Variants in PRKN observed in about 807,000 individuals in gnomAD.
The protein encoded by PRKN is E3 ubiquitin-protein ligase parkin.
Under a neutral mutation model 59.5 loss-of-function variants are expected in PRKN, and 56 were observed. The ratio of observed to expected loss-of-function variants is 0.94; its 90% CI spans 0.76 to 1.18. The LOEUF (loss-of-function observed/expected upper bound fraction) is 1.18. PRKN is among the 50% of genes most tolerant of loss of function. The pLI is 0.00. For synonymous variants in PRKN, 250 were observed against 222.1 expected (o/e 1.13, Z -1.12); for missense variants, 657 against 596.4 (o/e 1.10, Z -1.06).
At chr6:161,794,443 C>T (rs1790757736) in intron 6 of PRKN, among the ~76,000 whole-genome samples, 1 of 152,144 alleles carries the variant, frequency 6.6e-6, no homozygotes, top group African/African-American at 2.4e-5. Context: ...TCCATCCCCT[C>T]TTCCCTCCCT....
intron 4 of PRKN, among the ~76,000 whole-genome samples, chr6:162,079,524 G>C (rs945346561): frequency 3.9e-5 from 6 of 151,986 alleles, no homozygotes; most frequent in African/African-American, 7.3e-5. Context: ...TCACATACCT[G>C]CCGGAGGAAT....
intron 1 of PRKN, among the ~76,000 whole-genome samples, chr6:162,539,653 T>C (rs1455605462): frequency 2.0e-5 from 3 of 152,194 alleles, no homozygotes; most frequent in African/African-American, 7.2e-5. Flanking sequence ...CGCAGCTTAA[T>C]TGTTTAGGAA....
At chr6:162,479,434 G>C (rs1461913748) in intron 1 of PRKN, among the ~76,000 whole-genome samples, 1 of 152,008 alleles carries the variant, frequency 6.6e-6, no homozygotes, top group African/African-American at 2.4e-5. Context: ...TCACCATGTT[G>C]GCCAGGCTGG....
chr6:161,750,899 G>A lies in PRKN; in HGVS notation c.871+34873C>T, dbSNP rs1189277671. On this transcript the variant is annotated intron_variant, in intron 7 of 11. Transcript: ENST00000366898. ...GTACAACAAATATATAATTGTATTAGTCATCGAAAAGGAATGCAATATATT... is the reference window on the plus strand; with the variant it reads ...GTACAACAAATATATAATTGTATTAATCATCGAAAAGGAATGCAATATATT... Among the ~76,000 whole-genome samples the A allele has an allele frequency of 2.6e-5, 4 of 152,030 alleles. No homozygotes were observed. In the South Asian group the frequency reaches 8.3e-4, roughly 32 times the overall value.
At chr6:161,482,167 C>A (rs1476234994) in intron 9 of PRKN, among the ~76,000 whole-genome samples, 1 of 152,046 alleles carries the variant, frequency 6.6e-6, no homozygotes, top group Non-Finnish European at 1.5e-5. Flanking sequence ...AAATAGATAA[C>A]ATAAAAACAA....
rs373630883 is a variant in PRKN at position 161,385,747 on chromosome 6, G to C, written c.1167+1047C>G. 5.3e-4 allele frequency among the ~76,000 whole-genome samples: 80 copies of C among 152,266 alleles called. No individual in the cohort carries two copies. The highest frequency in any genetic ancestry group is 1.8e-3 in the African/African-American group (73 of 41,562). ...GGGTCTCTGGGCCATTATTGCTTTTGCTGTCAGTACCTGGTAAGCTCGCGT... is the reference window on the plus strand; with the variant it reads ...GGGTCTCTGGGCCATTATTGCTTTTCCTGTCAGTACCTGGTAAGCTCGCGT... On this transcript the variant is annotated intron_variant, in intron 10 of 11. Coordinates refer to ENST00000366898, the MANE Select transcript of PRKN (RefSeq NM_004562.3). The surrounding 1 kb of genome is among the most constrained non-coding windows in gnomAD (Gnocchi z 4.9).
chr6:161,919,814 C>T (rs1364377318), intron 6 of PRKN, among the ~76,000 whole-genome samples: 1 of 152,224 alleles, frequency 6.6e-6, no homozygotes, highest in Non-Finnish European at 1.5e-5. Flanking sequence ...GGCATTTCAA[C>T]AGCTTTGTAA....
In PRKN at chr6:162,424,181, T is replaced by C. The variant is rs1177914761; in HGVS notation, c.171+19129A>G. On this transcript the variant is annotated intron_variant, in intron 2 of 11. Transcript: ENST00000366898. ...AGAGGCGACTTTATGATTCTATCTA[T>C]AGGACATCCTGGAAAAGGCACAGCT... Among the ~76,000 whole-genome samples the C allele has an allele frequency of 3.9e-5, 6 of 152,206 alleles. No individual in the cohort carries two copies. The East Asian group carries it at 9.6e-4, about 24-fold the overall frequency.
At chr6:162,242,000 T>G (rs954478304) in intron 3 of PRKN, among the ~76,000 whole-genome samples, 4 of 152,074 alleles carry the variant, frequency 2.6e-5, no homozygotes, top group African/African-American at 9.7e-5. Context: ...TTTATTCAAT[T>G]ACAACACATT....
At chr6:162,631,474 GTA>G (rs977844767) in intron 1 of PRKN, among the ~76,000 whole-genome samples, 4 of 152,042 alleles carry the variant, frequency 2.6e-5, no homozygotes, top group African/African-American at 4.8e-5. Context: ...AGGTTTGTTG[GTA>G]GCTTGCATGT....
chr6:161,624,064 G>A (rs1201865383), intron 7 of PRKN, among the ~76,000 whole-genome samples: 5 of 152,152 alleles, frequency 3.3e-5, no homozygotes, highest in African/African-American at 7.2e-5. Flanking sequence ...TCTCAAATCC[G>A]CAGAAATTAT....
intron 7 of PRKN, among the ~76,000 whole-genome samples, chr6:161,750,752 T>C (rs1202064062): frequency 2.0e-5 from 3 of 149,206 alleles, no homozygotes; most frequent in Admixed American, 6.7e-5. Context: ...GGGCAACAAG[T>C]GTGAAACTCT....
At chr6:162,141,981 G>A (rs7765614) in intron 4 of PRKN, among the ~76,000 whole-genome samples, 22,877 of 152,042 alleles carry the variant, frequency 0.15, 2,069 homozygotes, top group African/African-American at 0.25. Flanking sequence ...ACCATTGTAA[G>A]CTGTCCCGTT....
intron 5 of PRKN, 142 bp from the exon 6 acceptor site, chr6:161,973,559 C>T: frequency 2.9e-6 from 2 of 685,272 alleles, no homozygotes. Flanking sequence ...AGCATCAAAC[C>T]TTTCCCAGGA....
At chr6:162,130,194 C>T (rs1238696091) in intron 4 of PRKN, among the ~76,000 whole-genome samples, 1 of 152,060 alleles carries the variant, frequency 6.6e-6, no homozygotes, top group Non-Finnish European at 1.5e-5. Flanking sequence ...CCACAAACAC[C>T]TTTCGAATGC....
intron 5 of PRKN, among the ~76,000 whole-genome samples, chr6:161,997,416 T>TA (rs1294280850): frequency 3.3e-5 from 5 of 152,036 alleles, no homozygotes; most frequent in African/African-American, 1.2e-4. Flanking sequence ...CTGGACATCA[T>TA]TTACAACTTG....
intron 1 of PRKN, among the ~76,000 whole-genome samples, chr6:162,453,101 G>A (rs1292346999): frequency 6.6e-6 from 1 of 152,144 alleles, no homozygotes; most frequent in Non-Finnish European, 1.5e-5. Context: ...AGGTGGAAGA[G>A]GTGCCCGGTA....
chr6:162,199,838 G>A (rs1784644610), intron 4 of PRKN, among the ~76,000 whole-genome samples: 1 of 152,048 alleles, frequency 6.6e-6, no homozygotes, highest in African/African-American at 2.4e-5. Flanking sequence ...TCCTTTATTA[G>A]GTGGATCTTT....
At position 161,451,269 on chromosome 6, in the gene PRKN, TA is replaced by T. The variant is rs1201468818; in HGVS notation, c.1084-64393del. Among the ~76,000 whole-genome samples, 1 of 152,182 alleles carries T rather than the reference TA, an allele frequency of 6.6e-6. No homozygotes were observed. Among genetic ancestry groups the T allele is most frequent in the Non-Finnish European group, 1.5e-5 (1 of 68,020 alleles). On this transcript the variant is annotated intron_variant, in intron 9 of 11. Transcript: ENST00000366898. This position sits in a 1 kb window ranked among gnomAD's most constrained non-coding sequence, Gnocchi z 5.9. ...ATCCTACCGTCATCTCATTTCCAGA[TA>T]AAACACCTCCAGTTTCTTCAATGAC...
Sources: allele counts gnomAD v4.1 joint callset (sites outside exome capture counted in the v4.1 genomes callset), GRCh38; gene constraint gnomAD v4.1.1; non-coding constraint Gnocchi (gnomAD v3.1); transcripts MANE v1.5; gene names NCBI Gene and HGNC (gene_info 2026-07-23, HGNC 2026-07-21).